The following DMD variants were observed in gnomAD, a reference collection of about 807,000 sequenced individuals.
DMD encodes dystrophin.
Under a neutral mutation model 330.1 loss-of-function variants are expected in DMD, and 63 were observed. The observed-to-expected ratio is 0.19, with a 90% CI of 0.16 to 0.24. The LOEUF (loss-of-function observed/expected upper bound fraction) is 0.24. Ranked by LOEUF, DMD falls within the 10% of genes least tolerant of loss-of-function variation. The pLI is 1.00. For synonymous variants in DMD, 1,223 were observed against 959.8 expected (o/e 1.27, Z -5.07); for missense variants, 3,344 against 2,684.1 (o/e 1.25, Z -5.43).
chrX:33,030,602 AAAGT>A (rs2094091810), intron 1 of DMD, among the ~76,000 whole-genome samples: 1 of 111,639 alleles, frequency 9.0e-6, no homozygotes, highest in African/African-American at 3.2e-5. Context: ...TATTTTTGTT[AAAGT>A]AATAACCATA....
intron 1 of DMD, among the ~76,000 whole-genome samples, chrX:33,043,633 G>A (rs960642329): frequency 1.8e-5 from 2 of 111,366 alleles, no homozygotes; most frequent in African/African-American, 6.5e-5. Context: ...AAACAAAGAA[G>A]TTTTGACAAA....
At chrX:31,155,564 T>TA (rs1209938548) in intron 74 of DMD, among the ~76,000 whole-genome samples, 2 of 112,461 alleles carry the variant, frequency 1.8e-5, no homozygotes, top group Admixed American at 9.4e-5. Flanking sequence ...GCAAATGTAG[T>TA]AAATCATACA....
At chrX:31,551,717 T>A (rs1321312986) in intron 55 of DMD, among the ~76,000 whole-genome samples, 3 of 112,335 alleles carry the variant, frequency 2.7e-5, no homozygotes, top group Non-Finnish European at 5.6e-5. Flanking sequence ...TCCAACCACA[T>A]ACATATAAAA....
intron 63 of DMD, among the ~76,000 whole-genome samples, chrX:31,228,949 C>A (rs5927000): frequency 0.029 from 3,216 of 112,410 alleles, 45 homozygotes; most frequent in Middle Eastern, 0.055. Flanking sequence ...CATCAAACCA[C>A]CTACCTTCTC....
chrX:32,489,428 C>G (rs1188355597), intron 20 of DMD, among the ~76,000 whole-genome samples: 3 of 110,530 alleles, frequency 2.7e-5, no homozygotes, highest in African/African-American at 9.9e-5. Context: ...AAAAATAGCC[C>G]TCATTCTCTC....
chrX:31,227,576 A>G (rs7052730), intron 63 of DMD, among the ~76,000 whole-genome samples: 53,567 of 109,530 alleles, frequency 0.49, 11,324 homozygotes, highest in African/African-American at 0.81. Flanking sequence ...CTGACTTGGC[A>G]ATGCGGGCTC....
At chrX:31,900,269 A>G (rs1156509777) in intron 47 of DMD, among the ~76,000 whole-genome samples, 1 of 111,346 alleles carries the variant, frequency 9.0e-6, no homozygotes, top group African/African-American at 3.3e-5. Context: ...TCTCCACCCA[A>G]ATCTCATGTT....
chrX:33,258,797 G>A (rs1211104074), intron 1 of DMD, among the ~76,000 whole-genome samples: 1 of 110,726 alleles, frequency 9.0e-6, no homozygotes. Context: ...TGGTTTGTTC[G>A]GATCTTAATT....
chrX:33,257,830 A>G (rs1030998201), intron 1 of DMD, among the ~76,000 whole-genome samples: 3 of 110,715 alleles, frequency 2.7e-5, no homozygotes, highest in African/African-American at 9.8e-5. Context: ...ACTGAGGATG[A>G]GTAAGACAAA....
At chrX:32,395,668 C>G (rs1456928861) in intron 30 of DMD, among the ~76,000 whole-genome samples, 1 of 111,666 alleles carries the variant, frequency 9.0e-6, no homozygotes, top group African/African-American at 3.3e-5. Context: ...AGGAAATTTA[C>G]ATGATTTAAC....
chrX:32,824,140 C>T (rs1293968231), intron 4 of DMD, among the ~76,000 whole-genome samples: 1 of 111,918 alleles, frequency 8.9e-6, no homozygotes, highest in African/African-American at 3.2e-5. Context: ...AACTGGATGA[C>T]TCAACCCCTG....
chrX:32,736,682 C>T (rs1603310154), intron 7 of DMD, among the ~76,000 whole-genome samples: 1 of 105,009 alleles, frequency 9.5e-6, no homozygotes, highest in Middle Eastern at 4.9e-3. Flanking sequence ...AACCAAACAC[C>T]ACATATTCTC....
chrX:32,630,577 TTC>T (rs1210599542), intron 11 of DMD, among the ~76,000 whole-genome samples: 1 of 111,674 alleles, frequency 9.0e-6, no homozygotes, highest in African/African-American at 3.3e-5. Flanking sequence ...TTCAAGCTAA[TTC>T]TTTCTCCTGC....
intron 51 of DMD, among the ~76,000 whole-genome samples, chrX:31,742,841 C>G (rs2087475631): frequency 8.9e-6 from 1 of 111,951 alleles, no homozygotes; most frequent in African/African-American, 3.2e-5. Flanking sequence ...CAAAAATTGA[C>G]AAGTGGAACT....
intron 1 of DMD, among the ~76,000 whole-genome samples, chrX:33,325,061 C>T (rs1212820523): frequency 9.0e-6 from 1 of 111,311 alleles, no homozygotes; most frequent in African/African-American, 3.3e-5. Flanking sequence ...CTAATATAAG[C>T]CCACAAATGA....
rs2075793616 is a variant in DMD, at chrX:31,571,216, A to G, written c.8217+56457T>C. 2.7e-5 allele frequency among the ~76,000 whole-genome samples: 3 copies of G among 109,355 alleles called. No homozygotes were observed. The South Asian group carries it at 1.2e-3, about 44-fold the overall frequency. The allele number at this position is 109,355 out of a possible 115,157, so 95.0% of individuals were successfully genotyped here. A position where few individuals can be genotyped will look rare whatever the true frequency, so the allele number is the denominator to read the frequency against. ...ATGTATTCTCTGACAAAAGGGTAAA[A>G]TAAGAAGCAATGAGTTACATGATAA... is the stretch of plus-strand genomic sequence containing the variant. On this transcript the variant is annotated intron_variant, in intron 55 of 78. Coordinates refer to ENST00000357033, the MANE Select transcript of DMD (RefSeq NM_004006.3).
intron 1 of DMD, among the ~76,000 whole-genome samples, chrX:33,112,766 A>G (rs1264248801): frequency 9.1e-6 from 1 of 109,659 alleles, no homozygotes; most frequent in Non-Finnish European, 1.9e-5. Context: ...CATAGCTCCA[A>G]TAAAATATTA....
At chrX:33,230,025 G>A (rs775437883) in intron 1 of DMD, among the ~76,000 whole-genome samples, 1 of 112,041 alleles carries the variant, frequency 8.9e-6, no homozygotes, top group Non-Finnish European at 1.9e-5. Flanking sequence ...TGCTATGCAT[G>A]TGATTACACA....
intron 67 of DMD, among the ~76,000 whole-genome samples, chrX:31,198,794 T>A (rs1286286016): frequency 1.8e-5 from 2 of 112,142 alleles, no homozygotes; most frequent in African/African-American, 6.5e-5. Flanking sequence ...CATGACTGTA[T>A]AGTTTTCCCA....
Sources: gnomAD v4.1 joint callset for allele counts (sites outside exome capture counted in the v4.1 genomes callset) on GRCh38, gnomAD v4.1.1 for gene constraint, MANE v1.5 for transcripts, NCBI Gene and HGNC (gene_info 2026-07-23, HGNC 2026-07-21) for gene names.